The following ATE1 variants were observed in gnomAD, a reference collection of about 807,000 sequenced individuals.
ATE1 encodes arginyl-tRNA--protein transferase 1.
A neutral mutation model predicts 70.5 loss-of-function variants in ATE1; 36 were observed. That is an observed-to-expected ratio of 0.51 (90% CI 0.39 to 0.67). ATE1 has a LOEUF of 0.67. Ranked by LOEUF, ATE1 falls within the 30% of genes least tolerant of loss-of-function variation. ATE1 has a pLI of 0.00. For synonymous variants in ATE1, 232 were observed against 219.3 expected, an observed-to-expected ratio of 1.06 and a Z score of -0.51; for missense variants, 593 against 629.5, an observed-to-expected ratio of 0.94 and a Z score of 0.62.
intron 10 of ATE1, among the ~76,000 whole-genome samples, chr10:121,824,662 T>C (rs1206208891): frequency 6.6e-6 from 1 of 152,200 alleles, no homozygotes; most frequent in African/African-American, 2.4e-5. Context: ...GGCCACATCA[T>C]GATACCAAAC....
chr10:121,911,095 T>C lies in ATE1; in HGVS notation c.394A>G (p.Asn132Asp). 3 of 1,611,754 alleles carry C rather than the reference T, an allele frequency of 1.9e-6. No individual in the cohort carries two copies. Among genetic ancestry groups the C allele is most frequent in the South Asian group, 2.2e-5 (2 of 90,252 alleles). ...DAVAGDFALINKLDIQCDLKT... is the reference protein window; with the variant it reads ...DAVAGDFALIDKLDIQCDLKT... ...AGATCACACTGTATATCCAGTTTAT[T>C]TATCAATGCAAAGTCACCCGCAACA... The change falls in exon 5 of 12, where the codon AAT (asparagine) becomes GAT (aspartate). Residue 132 changes from asparagine to aspartate, a missense_variant. This residue lies in a region of ATE1 where 467 missense variants were observed against 469.6 expected (regional missense o/e 0.99). Coordinates refer to ENST00000224652, the MANE Select transcript of ATE1 (RefSeq NM_001001976.3).
intron 10 of ATE1, among the ~76,000 whole-genome samples, chr10:121,805,226 C>G (rs752065934): frequency 6.6e-6 from 1 of 152,148 alleles, no homozygotes; most frequent in Non-Finnish European, 1.5e-5. Flanking sequence ...ACCAAATGTA[C>G]TATGAGCATG....
At chr10:121,891,361 G>A (rs1159705282) in intron 7 of ATE1, among the ~76,000 whole-genome samples, 1 of 152,146 alleles carries the variant, frequency 6.6e-6, no homozygotes, top group Non-Finnish European at 1.5e-5. Flanking sequence ...GATTTTACAT[G>A]GAGGTTACCA....
At chr10:121,904,640 CAAAAAAAAAAA>C (rs778557337) in intron 5 of ATE1, among the ~76,000 whole-genome samples, 1 of 46,492 alleles carries the variant, frequency 2.2e-5, no homozygotes, top group Non-Finnish European at 4.5e-5. Flanking sequence ...GACTCCGTCT[CAAAAAAAAAAA>C]AAAAAAAAAA....
At chr10:121,918,706 T>G (rs973520834) in intron 3 of ATE1, among the ~76,000 whole-genome samples, 91 of 152,008 alleles carry the variant, frequency 6.0e-4, no homozygotes, top group African/African-American at 1.9e-3. Context: ...CACAGGATAC[T>G]CTGTCATTCT....
At chr10:121,903,124 CGTGAT>C (rs1951053417) in intron 5 of ATE1, among the ~76,000 whole-genome samples, 1 of 152,048 alleles carries the variant, frequency 6.6e-6, no homozygotes, top group Non-Finnish European at 1.5e-5. Context: ...CTCCTGACCT[CGTGAT>C]TCACCCACCT....
At chr10:121,806,394 A>G (rs1224915186) in intron 10 of ATE1, among the ~76,000 whole-genome samples, 1 of 152,158 alleles carries the variant, frequency 6.6e-6, no homozygotes, top group East Asian at 1.9e-4. Context: ...TTGACCCTGC[A>G]GTTAGCTGTA....
At chr10:121,816,287 TATA>T (rs1298611335) in intron 10 of ATE1, among the ~76,000 whole-genome samples, 1 of 152,198 alleles carries the variant, frequency 6.6e-6, no homozygotes, top group East Asian at 1.9e-4. Context: ...GGGTGCTACA[TATA>T]ATAGATTTTA....
At chr10:121,928,238 T>C, upstream of ATE1, 18 of 1,384,238 alleles carry the variant, frequency 1.3e-5, 1 homozygote, top group South Asian at 2.6e-4. Flanking sequence ...ATGGGGAGAG[T>C]CAAGAGGGGA....
chr10:121,770,734 T>TA (rs57921362), intron 11 of ATE1, among the ~76,000 whole-genome samples: 18,184 of 140,688 alleles, frequency 0.13, 1,261 homozygotes, highest in East Asian at 0.27. Flanking sequence ...TTTCCTTAAC[T>TA]AAAAAAAAAA....
At chr10:121,891,156 CCA>C (rs1214742896) in intron 7 of ATE1, among the ~76,000 whole-genome samples, 1 of 152,110 alleles carries the variant, frequency 6.6e-6, no homozygotes, top group Non-Finnish European at 1.5e-5. Context: ...AAAAGGGTCT[CCA>C]GTTTGTGGCA....
intron 10 of ATE1, among the ~76,000 whole-genome samples, chr10:121,831,628 C>T (rs545074024): frequency 1.4e-4 from 22 of 152,274 alleles, no homozygotes; most frequent in African/African-American, 5.3e-4. Context: ...AAGGACAATT[C>T]TAATACTTTC....
At chr10:121,824,276 G>A (rs1947918774) in intron 10 of ATE1, among the ~76,000 whole-genome samples, 1 of 152,170 alleles carries the variant, frequency 6.6e-6, no homozygotes, top group Non-Finnish European at 1.5e-5. Flanking sequence ...GAGATCATTT[G>A]TATTCCTTTC....
intron 1 of ATE1, among the ~76,000 whole-genome samples, chr10:121,925,844 C>T (rs1374813433): frequency 6.6e-6 from 1 of 150,424 alleles, no homozygotes; most frequent in Non-Finnish European, 1.5e-5. Flanking sequence ...GCTATGAACA[C>T]ACCACTGCAT....
chr10:121,799,264 C>A (rs938585593), intron 10 of ATE1, among the ~76,000 whole-genome samples: 1 of 152,028 alleles, frequency 6.6e-6, no homozygotes, highest in Non-Finnish European at 1.5e-5. Context: ...TACAGAAGCA[C>A]GAAGGAGCTG....
At chr10:121,831,093 T>G (rs1334556821) in intron 10 of ATE1, among the ~76,000 whole-genome samples, 1 of 152,176 alleles carries the variant, frequency 6.6e-6, no homozygotes, top group African/African-American at 2.4e-5. Context: ...TCCTTACTCA[T>G]TATAATGGAT....
intron 10 of ATE1, among the ~76,000 whole-genome samples, chr10:121,822,735 G>T (rs1947849084): frequency 1.3e-5 from 2 of 152,004 alleles, no homozygotes; most frequent in Non-Finnish European, 2.9e-5. Context: ...CCTTTCACAT[G>T]CAATGCAGGC....
At chr10:121,919,328 G>A (rs1490643050) in intron 3 of ATE1, among the ~76,000 whole-genome samples, 1 of 152,108 alleles carries the variant, frequency 6.6e-6, no homozygotes, top group Non-Finnish European at 1.5e-5. Flanking sequence ...GGGGGCTGAA[G>A]CGGGCAGATC....
At chr10:121,928,167 A>G (rs1952183023), upstream of ATE1, 1 of 1,289,416 alleles carries the variant, frequency 7.8e-7, no homozygotes, top group African/African-American at 1.6e-5. Context: ...TTCCTTCTCC[A>G]TAAGGGGCCG....
Sources: gnomAD v4.1 joint callset for allele counts (sites outside exome capture counted in the v4.1 genomes callset) on GRCh38, gnomAD v4.1.1 for gene constraint, gnomAD v4.1.1 regional missense constraint, MANE v1.5 for transcripts, NCBI Gene and HGNC (gene_info 2026-07-23, HGNC 2026-07-21) for gene names.